RASA2: variants seen among roughly 807,000 people sequenced by gnomAD.
RASA2 encodes RAS p21 protein activator 2, also known as ras GTPase-activating protein 2.
Under a neutral mutation model 118.2 loss-of-function variants are expected in RASA2, and 155 were observed. The observed-to-expected ratio is 1.31, with a 90% CI of 1.15 to 1.50. RASA2 has a LOEUF of 1.50. Ranked by LOEUF, RASA2 falls within the 40% of genes most tolerant of loss-of-function variation. The pLI, the probability that RASA2 is intolerant of heterozygous loss-of-function variation, is 0.00. For missense variants in RASA2, 1,016 were observed against 1,009.6 expected, an observed-to-expected ratio of 1.01 and a Z score of -0.09; for synonymous variants, 353 against 349.1, an observed-to-expected ratio of 1.01 and a Z score of -0.12.
intron 9 of RASA2, among the ~76,000 whole-genome samples, chr3:141,565,478 T>G (rs910887282): frequency 1.3e-5 from 2 of 152,216 alleles, no homozygotes; most frequent in South Asian, 2.1e-4. Flanking sequence ...CATCCCCACA[T>G]GTCAAGGGCA....
intron 1 of RASA2, among the ~76,000 whole-genome samples, chr3:141,507,926 A>C (rs1193827669): frequency 6.6e-6 from 1 of 152,198 alleles, no homozygotes; most frequent in East Asian, 1.9e-4. Flanking sequence ...ACAGGAAGAC[A>C]TACACTGAAG....
intron 2 of RASA2, among the ~76,000 whole-genome samples, chr3:141,516,119 G>A (rs1291521870): frequency 2.7e-5 from 4 of 150,578 alleles, no homozygotes; most frequent in South Asian, 2.1e-4. Flanking sequence ...GTTAATGGGC[G>A]CAGCACACCA....
At chr3:141,488,124 A>C (rs1047109780) in intron 1 of RASA2, among the ~76,000 whole-genome samples, 1 of 152,170 alleles carries the variant, frequency 6.6e-6, no homozygotes, top group African/African-American at 2.4e-5. Flanking sequence ...CTGTCATTTG[A>C]ACATTTTAGT....
intron 9 of RASA2, 61 bp downstream of exon 9, chr3:141,560,056 T>C (rs1391649365): frequency 1.6e-6 from 2 of 1,248,444 alleles, no homozygotes; most frequent in Non-Finnish European, 2.3e-6. Flanking sequence ...AGTATATATA[T>C]GCAAATAAAT....
chr3:141,589,995 C>T lies in RASA2; in HGVS notation c.1933+3243C>T, dbSNP rs1412339385. On this transcript the variant is annotated intron_variant, in intron 19 of 23. Transcript: ENST00000286364. ...TAAGAAGTTTAAAATTTTGGAATGA[C>T]ATTGGAGGAATGAGATATGAAGTTT... The T allele has an allele frequency of 7.6e-6, 3 of 396,040 alleles. No homozygotes were observed. The Admixed American group carries it at 9.5e-5, about 13-fold the overall frequency. The allele number at this position is 396,040 out of a possible 1,614,324, so 24.5% of individuals were successfully genotyped here. A position where few individuals can be genotyped will look rare whatever the true frequency, so the allele number is the denominator to read the frequency against.
At chr3:141,498,995 A>G (rs187430745) in intron 1 of RASA2, among the ~76,000 whole-genome samples, 1 of 152,358 alleles carries the variant, frequency 6.6e-6, no homozygotes, top group Admixed American at 6.5e-5. Flanking sequence ...GGCAAACCAC[A>G]GGAAGATCCT....
chr3:141,582,994 A>G (rs2083140493), intron 17 of RASA2, among the ~76,000 whole-genome samples: 1 of 152,228 alleles, frequency 6.6e-6, no homozygotes, highest in South Asian at 2.1e-4. Context: ...TTCTGGGATG[A>G]TAGGAATGGT....
intron 19 of RASA2, among the ~76,000 whole-genome samples, chr3:141,595,065 T>A (rs2083346124): frequency 6.6e-6 from 1 of 152,182 alleles, no homozygotes; most frequent in African/African-American, 2.4e-5. Flanking sequence ...AAGTAGACTG[T>A]GATGAGTTAA....
rs192675245 is a variant in RASA2, at chr3:141,493,255, T to C, written c.133+6039T>C. Among the ~76,000 whole-genome samples, 6 of 152,268 alleles carry C rather than the reference T, an allele frequency of 3.9e-5. No individual in the cohort carries two copies. In the East Asian group the frequency reaches 9.6e-4, roughly 24 times the overall value. Reference sequence around the variant, plus strand: ...TATTGAGAGGTGGTAAGATTTTCACTGTGCCGTCTACACACTCTTAACTGT... The same window carrying C: ...TATTGAGAGGTGGTAAGATTTTCACCGTGCCGTCTACACACTCTTAACTGT... On this transcript the variant is annotated intron_variant, in intron 1 of 23. Coordinates refer to ENST00000286364, the MANE Select transcript of RASA2 (RefSeq NM_006506.5).
At position 141,580,082 on chromosome 3, in the gene RASA2, AAAAATATATATAT is replaced by A. The variant is rs1286723146; in HGVS notation, c.1591-284_1591-272del. Reference sequence around the variant, plus strand: ...GGAAAAAAAAAAGAAAAAAAAAAAAAAAAATATATATATATATATATATATATATATATATGAC... The same window carrying A: ...GGAAAAAAAAAAGAAAAAAAAAAAAAATATATATATATATATATATATGAC... On this transcript the variant is annotated intron_variant, in intron 15 of 23. Transcript: ENST00000286364. 9.8e-3 allele frequency among the ~76,000 whole-genome samples: 988 copies of A among 101,316 alleles called. 6 individuals carry two copies. The highest frequency in any genetic ancestry group is 0.043 in the Middle Eastern group (8 of 184). The allele number at this position is 101,316 out of a possible 152,430, so 66.5% of individuals were successfully genotyped here. A position where few individuals can be genotyped will look rare whatever the true frequency, so the allele number is the denominator to read the frequency against.
chr3:141,570,847 C>T, intron 9 of RASA2, 65 bp from the exon 10 acceptor site: 1 of 1,472,528 alleles, frequency 6.8e-7, no homozygotes, highest in Non-Finnish European at 9.2e-7. Flanking sequence ...TAACTTAACT[C>T]TTAACTTGCC....
intron 20 of RASA2, 137 bp from the exon 21 acceptor site, chr3:141,608,350 CAT>C: frequency 1.3e-6 from 1 of 783,904 alleles, no homozygotes; most frequent in Non-Finnish European, 2.1e-6. Context: ...TTGCTTGAAA[CAT>C]AATAATTTCT....
At position 141,513,085 on chromosome 3, in the gene RASA2, A is replaced by G. The variant is rs537678700; in HGVS notation, c.251+805A>G. 1.4e-3 allele frequency among the ~76,000 whole-genome samples: 214 copies of G among 151,180 alleles called. 1 individual carries two copies. In the Middle Eastern group the frequency reaches 0.024, roughly 17 times the overall value. On this transcript the variant is annotated intron_variant, in intron 2 of 23. Coordinates refer to ENST00000286364, the MANE Select transcript of RASA2 (RefSeq NM_006506.5). Reference sequence around the variant, plus strand: ...TCTCAGAAAAAAAAAAAAAAACAAAAAAACGAAAAACAGGGTGTGGGGTAT... The same window carrying G: ...TCTCAGAAAAAAAAAAAAAAACAAAGAAACGAAAAACAGGGTGTGGGGTAT...
chr3:141,554,015 C>A, intron 6 of RASA2, 75 bp downstream of exon 6: 2 of 1,517,750 alleles, frequency 1.3e-6, no homozygotes, highest in African/African-American at 1.4e-5. Flanking sequence ...TAAGATTCTA[C>A]GAGCAAATGA....
chr3:141,569,120 A>G (rs2082870623), intron 9 of RASA2, among the ~76,000 whole-genome samples: 1 of 152,188 alleles, frequency 6.6e-6, no homozygotes, highest in African/African-American at 2.4e-5. Flanking sequence ...TATTTTATAT[A>G]CAGCACAAGA....
intron 19 of RASA2, among the ~76,000 whole-genome samples, chr3:141,591,219 TA>T (rs1213969634): frequency 6.6e-6 from 1 of 152,246 alleles, no homozygotes; most frequent in Non-Finnish European, 1.5e-5. Flanking sequence ...GTGCCTTCTT[TA>T]CATCTTTTGC....
At chr3:141,501,722 A>G (rs993065698) in intron 1 of RASA2, among the ~76,000 whole-genome samples, 1 of 152,202 alleles carries the variant, frequency 6.6e-6, no homozygotes, top group Non-Finnish European at 1.5e-5. Flanking sequence ...ACCTTATGAT[A>G]TATTACCATT....
intron 8 of RASA2, among the ~76,000 whole-genome samples, chr3:141,559,443 T>C (rs564178522): frequency 2.6e-5 from 4 of 152,224 alleles, no homozygotes; most frequent in East Asian, 3.9e-4. Flanking sequence ...AAAAATCTTA[T>C]AAATGCATGT....
intron 1 of RASA2, among the ~76,000 whole-genome samples, chr3:141,494,566 A>T (rs549049292): frequency 1.3e-5 from 2 of 152,164 alleles, no homozygotes; most frequent in South Asian, 4.1e-4. Flanking sequence ...ACGGGGTTTC[A>T]CCATGTTGGC....
Sources: allele counts gnomAD v4.1 joint callset (sites outside exome capture counted in the v4.1 genomes callset), GRCh38; gene constraint gnomAD v4.1.1; transcripts MANE v1.5; gene names NCBI Gene and HGNC (gene_info 2026-07-23, HGNC 2026-07-21).